The following PTPRO variants were observed in gnomAD, a reference collection of about 807,000 sequenced individuals.
PTPRO encodes protein tyrosine phosphatase receptor type O.
In PTPRO, 62 loss-of-function variants were observed where a neutral mutation model predicts 145.2. That is an observed-to-expected ratio of 0.43 (90% CI 0.35 to 0.53). The LOEUF (loss-of-function observed/expected upper bound fraction) is 0.53. PTPRO is among the 20% of genes least tolerant of loss of function. PTPRO has a pLI of 0.01. For missense variants in PTPRO, 1,345 were observed against 1,482.7 expected (o/e 0.91, Z 1.53); for synonymous variants, 565 against 514.7 (o/e 1.10, Z -1.32).
At chr12:15,482,863 A>C (rs528407335) in intron 1 of PTPRO, among the ~76,000 whole-genome samples, 2 of 152,264 alleles carry the variant, frequency 1.3e-5, no homozygotes, top group South Asian at 4.1e-4. Context: ...GTGGAACAAT[A>C]ATGAGACTGA....
chr12:15,444,207 A>C (rs1222439351), intron 1 of PTPRO, among the ~76,000 whole-genome samples: 4 of 152,150 alleles, frequency 2.6e-5, no homozygotes, highest in Admixed American at 6.6e-5. Flanking sequence ...GCTGAAGGCC[A>C]TTATCCTAAG....
intron 1 of PTPRO, among the ~76,000 whole-genome samples, chr12:15,423,785 C>T (rs1459491411): frequency 2.0e-5 from 3 of 152,164 alleles, no homozygotes; most frequent in South Asian, 2.1e-4. Flanking sequence ...TCCTAGCCAT[C>T]GCTTTTGCCT....
chr12:15,476,569 A>T (rs908276916), intron 1 of PTPRO, among the ~76,000 whole-genome samples: 1 of 150,734 alleles, frequency 6.6e-6, no homozygotes, highest in African/African-American at 2.4e-5. Flanking sequence ...CTTTAGTTTA[A>T]TTAGATCCCA....
At position 15,419,181 on chromosome 12, in the gene PTPRO, A is replaced by C. The variant is rs371142996; in HGVS notation, c.76-64793A>C. Among the ~76,000 whole-genome samples, 70 of 150,894 alleles carry C rather than the reference A, an allele frequency of 4.6e-4. 1 individual carries two copies. The highest frequency in any genetic ancestry group is 1.5e-3 in the African/African-American group (61 of 40,508). ...AGCAGATATTCATGCGCTTATTGAAATAAGCCACCTTTTCCTGCATTTGTG... is the reference window on the plus strand; with the variant it reads ...AGCAGATATTCATGCGCTTATTGAACTAAGCCACCTTTTCCTGCATTTGTG... On this transcript the variant is annotated intron_variant, in intron 1 of 26. Coordinates refer to ENST00000281171, the MANE Select transcript of PTPRO (RefSeq NM_030667.3).
intron 19 of PTPRO, among the ~76,000 whole-genome samples, chr12:15,573,654 T>C (rs562968123): frequency 6.6e-6 from 1 of 152,330 alleles, no homozygotes; most frequent in East Asian, 1.9e-4. Context: ...GCTTAGACTG[T>C]ATGTTTTGGA....
At chr12:15,522,014 G>A (rs1942731954) in intron 10 of PTPRO, among the ~76,000 whole-genome samples, 1 of 152,132 alleles carries the variant, frequency 6.6e-6, no homozygotes, top group Non-Finnish European at 1.5e-5. Context: ...AAATAAATAA[G>A]TGATGCTGAA....
chr12:15,387,667 AC>A lies in PTPRO; in HGVS notation c.75+64870del, dbSNP rs1349308170. Among the ~76,000 whole-genome samples, 3 of 152,216 alleles carry A rather than the reference AC, an allele frequency of 2.0e-5. No homozygotes were observed. In the South Asian group the frequency reaches 6.2e-4, roughly 31 times the overall value. ...TTTGTCAGGACCATGCCATCTGAGT[AC>A]CCCAGTGTCTAAAACATAACCTGGT... On this transcript the variant is annotated intron_variant, in intron 1 of 26. Coordinates refer to ENST00000281171, the MANE Select transcript of PTPRO (RefSeq NM_030667.3).
chr12:15,378,794 T>A (rs1938765842), intron 1 of PTPRO, among the ~76,000 whole-genome samples: 1 of 152,142 alleles, frequency 6.6e-6, no homozygotes, highest in Non-Finnish European at 1.5e-5. Context: ...AAATCATATA[T>A]CTGAGAAAGA....
At chr12:15,368,339 CCACTTTATA>C (rs1307196871) in intron 1 of PTPRO, among the ~76,000 whole-genome samples, 1 of 152,184 alleles carries the variant, frequency 6.6e-6, no homozygotes, top group Admixed American at 6.5e-5. Context: ...CCTTGTCTAG[CCACTTTATA>C]TAAAGGTGTA....
intron 25 of PTPRO, among the ~76,000 whole-genome samples, chr12:15,592,276 A>C (rs1944569847): frequency 6.6e-6 from 1 of 152,214 alleles, no homozygotes; most frequent in Non-Finnish European, 1.5e-5. Context: ...AAGTAAAAAA[A>C]GGTTATTCTT....
chr12:15,585,708 C>T (rs1018894334), intron 23 of PTPRO, among the ~76,000 whole-genome samples: 1 of 152,132 alleles, frequency 6.6e-6, no homozygotes, highest in African/African-American at 2.4e-5. Flanking sequence ...TATAGTATTC[C>T]AGCCTCTGAG....
intron 1 of PTPRO, among the ~76,000 whole-genome samples, chr12:15,417,057 C>T (rs1303229720): frequency 6.6e-6 from 1 of 151,634 alleles, no homozygotes; most frequent in African/African-American, 2.4e-5. Context: ...ATTCTACCCT[C>T]CCATGATTCG....
intron 1 of PTPRO, among the ~76,000 whole-genome samples, chr12:15,415,470 C>T (rs900820585): frequency 2.6e-4 from 39 of 151,816 alleles, no homozygotes; most frequent in Non-Finnish European, 4.1e-4. Context: ...CTGCAAGCTC[C>T]GCCTCCCAGG....
chr12:15,587,269 A>G, intron 24 of PTPRO: 1 of 564,672 alleles, frequency 1.8e-6, no homozygotes, highest in Non-Finnish European at 3.1e-6. Flanking sequence ...TCCAATTTTT[A>G]AATGAAAAAA....
chr12:15,460,589 G>T (rs958287445), intron 1 of PTPRO, among the ~76,000 whole-genome samples: 2 of 152,024 alleles, frequency 1.3e-5, no homozygotes, highest in Non-Finnish European at 2.9e-5. Flanking sequence ...TGCCCAATTT[G>T]CCCTGTAGCT....
intron 1 of PTPRO, among the ~76,000 whole-genome samples, chr12:15,408,109 T>C (rs182043892): frequency 1.8e-4 from 27 of 152,306 alleles, no homozygotes; most frequent in African/African-American, 6.3e-4. Context: ...ATCTACTATA[T>C]GAATCTTTCC....
chr12:15,336,368 G>A (rs1449877357), intron 1 of PTPRO, among the ~76,000 whole-genome samples: 1 of 151,996 alleles, frequency 6.6e-6, no homozygotes, highest in African/African-American at 2.4e-5. Flanking sequence ...AAGGTCAATT[G>A]CATGCAATTC....
At chr12:15,440,086 C>A (rs970128728) in intron 1 of PTPRO, 2 of 632,196 alleles carry the variant, frequency 3.2e-6, no homozygotes, top group Non-Finnish European at 5.7e-6. Context: ...CAGACCGCTG[C>A]AGCTCTGTGC....
rs561844015 is a variant in PTPRO at position 15,424,633 on chromosome 12, T to C, written c.76-59341T>C. Among the ~76,000 whole-genome samples the C allele has an allele frequency of 2.6e-5, 4 of 151,808 alleles. No homozygotes were observed. The South Asian group carries it at 8.3e-4, about 32-fold the overall frequency. Reference sequence around the variant, plus strand: ...TATACACAAACAAATAATGGGTGCATGAAAGAGGGTCACCTTATCTCTTCT... The same window carrying C: ...TATACACAAACAAATAATGGGTGCACGAAAGAGGGTCACCTTATCTCTTCT... On this transcript the variant is annotated intron_variant, in intron 1 of 26. Coordinates refer to ENST00000281171, the MANE Select transcript of PTPRO (RefSeq NM_030667.3).
Sources: gnomAD v4.1 joint callset for allele counts (sites outside exome capture counted in the v4.1 genomes callset) on GRCh38, gnomAD v4.1.1 for gene constraint, MANE v1.5 for transcripts, NCBI Gene and HGNC (gene_info 2026-07-23, HGNC 2026-07-21) for gene names.